CNTN5: variants seen among roughly 807,000 people sequenced by gnomAD.
CNTN5 encodes contactin-5.
Under a neutral mutation model 129.1 loss-of-function variants are expected in CNTN5, and 77 were observed. The ratio of observed to expected loss-of-function variants is 0.60; its 90% CI spans 0.50 to 0.72. The LOEUF (loss-of-function observed/expected upper bound fraction) is 0.72, where lower values mean the gene tolerates loss of function less well. Ranked by LOEUF, CNTN5 falls within the 30% of genes least tolerant of loss-of-function variation. The probability of loss-of-function intolerance (pLI) is 0.00; values close to 1 mark genes in which losing one functional copy is unlikely to be tolerated. For missense variants in CNTN5, 1,478 were observed against 1,328.8 expected, an observed-to-expected ratio of 1.11 and a Z score of -1.75; for synonymous variants, 509 against 465.6, an observed-to-expected ratio of 1.09 and a Z score of -1.20.
intron 9 of CNTN5, among the ~76,000 whole-genome samples, chr11:100,013,286 C>T (rs1466908903): frequency 6.6e-6 from 1 of 152,126 alleles, no homozygotes; most frequent in Admixed American, 6.6e-5. Context: ...GACTTCACCA[C>T]TACACAATAT....
At chr11:99,621,148 G>C (rs1016032721) in intron 3 of CNTN5, among the ~76,000 whole-genome samples, 11 of 152,116 alleles carry the variant, frequency 7.2e-5, no homozygotes, top group Admixed American at 2.6e-4. Context: ...ATACTATGGA[G>C]CATGTAGGAT....
At chr11:100,094,114 A>C (rs1466187) in intron 13 of CNTN5, among the ~76,000 whole-genome samples, 6,102 of 152,186 alleles carry the variant, frequency 0.04, 396 homozygotes, top group African/African-American at 0.14. Context: ...GGGTTAAAAA[A>C]ATTAAAAATT....
At chr11:99,209,279 T>C (rs1026983154) in intron 1 of CNTN5, among the ~76,000 whole-genome samples, 2 of 152,128 alleles carry the variant, frequency 1.3e-5, no homozygotes, top group African/African-American at 4.8e-5. Flanking sequence ...GGGTACTTTA[T>C]AAAGAAAAGA....
At chr11:100,027,928 T>A (rs556859703) in intron 9 of CNTN5, among the ~76,000 whole-genome samples, 2 of 152,202 alleles carry the variant, frequency 1.3e-5, no homozygotes, top group African/African-American at 4.8e-5. Context: ...TTTTTCTCAT[T>A]TTTATTTACT....
intron 13 of CNTN5, among the ~76,000 whole-genome samples, chr11:100,118,031 GT>G (rs372901415): frequency 4.4e-4 from 65 of 146,806 alleles, no homozygotes; most frequent in African/African-American, 8.5e-4. Flanking sequence ...CCTCGCAGTT[GT>G]TTTTTTTTTC....
At chr11:99,455,808 C>T (rs1427847876) in intron 2 of CNTN5, among the ~76,000 whole-genome samples, 1 of 152,104 alleles carries the variant, frequency 6.6e-6, no homozygotes, top group Non-Finnish European at 1.5e-5. Context: ...ATATATTATT[C>T]CAAGCCATTA....
At chr11:99,272,010 A>C (rs1173244174) in intron 1 of CNTN5, among the ~76,000 whole-genome samples, 1 of 151,966 alleles carries the variant, frequency 6.6e-6, no homozygotes, top group South Asian at 2.1e-4. Context: ...TAAAACTATC[A>C]CAAAATGTAT....
intron 1 of CNTN5, among the ~76,000 whole-genome samples, chr11:99,188,399 TC>T (rs1166737143): frequency 6.6e-6 from 1 of 151,784 alleles, no homozygotes; most frequent in African/African-American, 2.4e-5. Flanking sequence ...TACGAGAATG[TC>T]CCTTTCATCA....
At chr11:99,186,426 T>TC (rs1315587732) in intron 1 of CNTN5, among the ~76,000 whole-genome samples, 4 of 151,986 alleles carry the variant, frequency 2.6e-5, no homozygotes, top group Non-Finnish European at 5.9e-5. Flanking sequence ...GTGGTTGCAT[T>TC]TTAAAAATAC....
At chr11:99,377,717 A>T (rs1940270069) in intron 2 of CNTN5, among the ~76,000 whole-genome samples, 1 of 152,140 alleles carries the variant, frequency 6.6e-6, no homozygotes, top group Non-Finnish European at 1.5e-5. Context: ...TCTTTAAAAA[A>T]GTGTCTGGAG....
chr11:100,033,549 G>A (rs149045169), intron 9 of CNTN5, among the ~76,000 whole-genome samples: 4 of 152,136 alleles, frequency 2.6e-5, no homozygotes, highest in African/African-American at 9.6e-5. Flanking sequence ...TACCCTTCAT[G>A]AACTACAGTA....
intron 1 of CNTN5, among the ~76,000 whole-genome samples, chr11:99,285,591 A>C (rs1685255483): frequency 7.2e-6 from 1 of 137,992 alleles, no homozygotes; most frequent in African/African-American, 2.7e-5. Context: ...ATTCAAGTTA[A>C]AGAAAAAAAA....
intron 1 of CNTN5, among the ~76,000 whole-genome samples, chr11:99,043,425 A>C (rs922904498): frequency 6.6e-6 from 1 of 151,938 alleles, no homozygotes; most frequent in African/African-American, 2.4e-5. Context: ...CCTAAAACTT[A>C]AAGTATAATA....
At chr11:100,249,827 G>A (rs2138707307) in intron 16 of CNTN5, among the ~76,000 whole-genome samples, 1 of 152,274 alleles carries the variant, frequency 6.6e-6, no homozygotes, top group Non-Finnish European at 1.5e-5. Flanking sequence ...ATAGGTTGAT[G>A]TAATTCACTC....
intron 2 of CNTN5, among the ~76,000 whole-genome samples, chr11:99,428,243 T>G (rs974002198): frequency 6.8e-6 from 1 of 147,630 alleles, no homozygotes; most frequent in African/African-American, 2.4e-5. Flanking sequence ...ATTATTTTTC[T>G]TTTAATAACT....
chr11:100,254,480 T>C (rs1950028560), intron 16 of CNTN5, among the ~76,000 whole-genome samples: 1 of 152,222 alleles, frequency 6.6e-6, no homozygotes, highest in South Asian at 2.1e-4. Context: ...TCTAGACCTT[T>C]GCCCACGATT....
chr11:100,072,036 A>G (rs571888061), intron 12 of CNTN5, among the ~76,000 whole-genome samples: 1 of 152,260 alleles, frequency 6.6e-6, no homozygotes, highest in East Asian at 1.9e-4. Flanking sequence ...CTTTTTGTTC[A>G]TATAGTTTTT....
At chr11:99,841,835 T>TATAC (rs1470229516) in intron 4 of CNTN5, among the ~76,000 whole-genome samples, 2 of 144,202 alleles carry the variant, frequency 1.4e-5, no homozygotes, top group African/African-American at 2.6e-5. Flanking sequence ...TATATATATA[T>TATAC]ACACACACAC....
At chr11:99,701,129 A>G (rs1306684953) in intron 3 of CNTN5, among the ~76,000 whole-genome samples, 1 of 151,376 alleles carries the variant, frequency 6.6e-6, no homozygotes, top group African/African-American at 2.4e-5. Context: ...GTGCTGATTC[A>G]CTGAAGGGCA....
Sources: gnomAD v4.1 joint callset for allele counts (sites outside exome capture counted in the v4.1 genomes callset) on GRCh38, gnomAD v4.1.1 for gene constraint, MANE v1.5 for transcripts, NCBI Gene and HGNC (gene_info 2026-07-23, HGNC 2026-07-21) for gene names.